The following NAV3 variants were observed in gnomAD, a reference collection of about 807,000 sequenced individuals.
The protein encoded by NAV3 is pore membrane and/or filament interacting like protein 1.
In NAV3, 87 loss-of-function variants were observed where a neutral mutation model predicts 244.7. That is an observed-to-expected ratio of 0.36 (90% CI 0.30 to 0.42). NAV3 has a LOEUF of 0.42. NAV3 is among the 20% of genes least tolerant of loss of function. The pLI, the probability that NAV3 is intolerant of heterozygous loss-of-function variation, is 1.00. For synonymous variants in NAV3, 1,126 were observed against 1,042.2 expected (o/e 1.08, Z -1.55); for missense variants, 2,663 against 2,893.3 (o/e 0.92, Z 1.83).
At chr12:77,641,900 G>A (rs1872430903) in intron 2 of NAV3, among the ~76,000 whole-genome samples, 1 of 152,090 alleles carries the variant, frequency 6.6e-6, no homozygotes, top group Non-Finnish European at 1.5e-5. Context: ...CAAGGCAAAA[G>A]CATTCTCCCA....
chr12:78,003,372 A>C (rs1324494190), intron 7 of NAV3, among the ~76,000 whole-genome samples: 3 of 152,198 alleles, frequency 2.0e-5, no homozygotes, highest in Admixed American at 6.5e-5. Flanking sequence ...TGTGATGCTT[A>C]AAGTATCCTA....
chr12:77,749,950 GGCAGCT>G (rs1868756203), intron 2 of NAV3, among the ~76,000 whole-genome samples: 1 of 152,150 alleles, frequency 6.6e-6, no homozygotes, highest in Non-Finnish European at 1.5e-5. Context: ...GGAAGTCATG[GGCAGCT>G]GCTGCTAGAG....
At chr12:77,728,386 C>T (rs1876974808) in intron 2 of NAV3, among the ~76,000 whole-genome samples, 1 of 151,290 alleles carries the variant, frequency 6.6e-6, no homozygotes, top group Non-Finnish European at 1.5e-5. Context: ...GTGAAAAGTG[C>T]AAAACTAGAG....
intron 11 of NAV3, among the ~76,000 whole-genome samples, chr12:78,056,902 A>C (rs1359852403): frequency 6.6e-6 from 1 of 152,234 alleles, no homozygotes; most frequent in African/African-American, 2.4e-5. Context: ...GAAGAACGTC[A>C]TGAAGTCATT....
intron 2 of NAV3, among the ~76,000 whole-genome samples, chr12:77,717,212 G>A (rs1008589673): frequency 3.3e-5 from 5 of 151,976 alleles, no homozygotes; most frequent in Admixed American, 6.6e-5. Context: ...TTATTGTACC[G>A]CAGAAATCTA....
chr12:77,972,762 A>C (rs1041028413), intron 5 of NAV3, among the ~76,000 whole-genome samples: 2 of 152,180 alleles, frequency 1.3e-5, no homozygotes, highest in African/African-American at 4.8e-5. Flanking sequence ...AACAATGTAA[A>C]AATAAATCCT....
chr12:77,756,795 A>G (rs1474450480), intron 2 of NAV3, among the ~76,000 whole-genome samples: 1 of 152,172 alleles, frequency 6.6e-6, no homozygotes, highest in Non-Finnish European at 1.5e-5. Flanking sequence ...TATTTAGTTC[A>G]TATATTTCAG....
intron 30 of NAV3, among the ~76,000 whole-genome samples, chr12:78,182,016 C>G (rs1958519066): frequency 6.6e-6 from 1 of 152,020 alleles, no homozygotes. Flanking sequence ...GTGGGCACTC[C>G]CTGTAATTTA....
intron 24 of NAV3, among the ~76,000 whole-genome samples, chr12:78,169,625 T>TA (rs1957921485): frequency 6.6e-6 from 1 of 151,778 alleles, no homozygotes; most frequent in African/African-American, 2.4e-5. Flanking sequence ...ATTATCTCTC[T>TA]TTTCATTTCC....
chr12:77,630,179 C>G (rs574043286), intron 2 of NAV3, among the ~76,000 whole-genome samples: 1 of 152,156 alleles, frequency 6.6e-6, no homozygotes, highest in Admixed American at 6.5e-5. Context: ...TCCAGAAATT[C>G]TGGGGAGGAG....
chr12:77,794,814 T>C (rs1054789341), intron 2 of NAV3, among the ~76,000 whole-genome samples: 2 of 152,214 alleles, frequency 1.3e-5, no homozygotes, highest in Non-Finnish European at 2.9e-5. Flanking sequence ...GTAATTGTTT[T>C]GGGGCAGCAC....
At chr12:78,168,203 GC>G (rs1957858629) in intron 23 of NAV3, among the ~76,000 whole-genome samples, 1 of 151,628 alleles carries the variant, frequency 6.6e-6, no homozygotes, top group African/African-American at 2.4e-5. Context: ...CTTTGATATG[GC>G]ATCAGAATTT....
At chr12:78,189,418 T>C (rs1958872003) in intron 33 of NAV3, among the ~76,000 whole-genome samples, 1 of 151,792 alleles carries the variant, frequency 6.6e-6, no homozygotes, top group South Asian at 2.1e-4. Flanking sequence ...ATACTGTTGC[T>C]CCTTTCTTAA....
intron 2 of NAV3, among the ~76,000 whole-genome samples, chr12:77,754,586 T>C (rs1424591926): frequency 6.6e-6 from 1 of 152,222 alleles, no homozygotes. Flanking sequence ...CCGTTAAAAC[T>C]TGGACAGCTG....
intron 12 of NAV3, among the ~76,000 whole-genome samples, chr12:78,111,032 G>T (rs1955068389): frequency 6.6e-6 from 1 of 151,976 alleles, no homozygotes; most frequent in Non-Finnish European, 1.5e-5. Context: ...GATGAATGGA[G>T]GGTAGGAGGG....
intron 1 of NAV3, 82 bp downstream of exon 1, chr12:77,831,786 A>C (rs2136082793): frequency 6.9e-7 from 1 of 1,441,766 alleles, no homozygotes; most frequent in Non-Finnish European, 9.3e-7. Flanking sequence ...ATGTTATGAA[A>C]TGGGGAGTAG....
intron 2 of NAV3, among the ~76,000 whole-genome samples, chr12:77,722,619 T>C (rs1215704480): frequency 6.6e-6 from 1 of 152,088 alleles, no homozygotes. Context: ...GGAGAAATTT[T>C]GTTAAATCAT....
intron 18 of NAV3, among the ~76,000 whole-genome samples, chr12:78,134,728 T>C (rs551787947): frequency 5.6e-4 from 86 of 152,216 alleles, no homozygotes; most frequent in African/African-American, 1.9e-3. Flanking sequence ...TACTCCAGCC[T>C]GGAAGACAGA....
intron 2 of NAV3, among the ~76,000 whole-genome samples, chr12:77,595,010 A>G (rs925321693): frequency 2.6e-5 from 4 of 152,178 alleles, no homozygotes; most frequent in Non-Finnish European, 4.4e-5. Flanking sequence ...TTTCTCAAAA[A>G]ATTAAAAATA....
Sources: allele counts gnomAD v4.1 joint callset (sites outside exome capture counted in the v4.1 genomes callset), GRCh38; gene constraint gnomAD v4.1.1; transcripts MANE v1.5; gene names NCBI Gene and HGNC (gene_info 2026-07-23, HGNC 2026-07-21).